The following TENM2 variants were observed in gnomAD, a reference collection of about 807,000 sequenced individuals.
TENM2 encodes the protein teneurin-2.
A neutral mutation model predicts 245.2 loss-of-function variants in TENM2; 52 were observed. The ratio of observed to expected loss-of-function variants is 0.21; its 90% CI spans 0.17 to 0.27. TENM2 has a LOEUF of 0.27. TENM2 is among the 10% of genes least tolerant of loss of function. The pLI, the probability that TENM2 is intolerant of heterozygous loss-of-function variation, is 1.00. For missense variants in TENM2, 3,046 were observed against 3,666.8 expected, an observed-to-expected ratio of 0.83 and a Z score of 4.37; for synonymous variants, 1,363 against 1,438.9, an observed-to-expected ratio of 0.95 and a Z score of 1.19.
At chr5:167,785,244 G>A (rs1159588809) in intron 2 of TENM2, among the ~76,000 whole-genome samples, 1 of 152,150 alleles carries the variant, frequency 6.6e-6, no homozygotes, top group African/African-American at 2.4e-5. Flanking sequence ...GTGATTTAAT[G>A]TGGTCACTGT....
chr5:167,951,511 G>C (rs1780097865), intron 3 of TENM2, among the ~76,000 whole-genome samples: 1 of 152,140 alleles, frequency 6.6e-6, no homozygotes, highest in Non-Finnish European at 1.5e-5. Context: ...TCGGTTGCTA[G>C]GAAAACCTTG....
chr5:167,021,458 A>G, the TENM2 span, among the ~76,000 whole-genome samples: 4 of 152,244 alleles, frequency 2.6e-5, no homozygotes, highest in Non-Finnish European at 5.9e-5. Context: ...TTCACAGAAC[A>G]ACTCATAAAG....
chr5:168,103,322 C>T (rs1581312080), intron 9 of TENM2, among the ~76,000 whole-genome samples: 2 of 152,132 alleles, frequency 1.3e-5, no homozygotes, highest in Admixed American at 1.3e-4. Context: ...TTTAAATTTC[C>T]GTAACTCAAA....
intron 1 of TENM2, among the ~76,000 whole-genome samples, chr5:167,289,003 A>G (rs1310529627): frequency 6.6e-6 from 1 of 152,188 alleles, no homozygotes; most frequent in East Asian, 1.9e-4. Flanking sequence ...GATTGAACAT[A>G]TAATGTTCAC....
intron 3 of TENM2, among the ~76,000 whole-genome samples, chr5:167,878,581 G>A (rs1241026441): frequency 6.8e-6 from 1 of 146,320 alleles, no homozygotes; most frequent in Non-Finnish European, 1.5e-5. Flanking sequence ...GTCTGTGTGT[G>A]TGTGTGTGTG....
At chr5:167,976,990 A>G (rs1782489489) in intron 4 of TENM2, among the ~76,000 whole-genome samples, 1 of 152,216 alleles carries the variant, frequency 6.6e-6, no homozygotes, top group African/African-American at 2.4e-5. Flanking sequence ...ATGCAGCCAT[A>G]AAAAATGAGA....
chr5:167,130,011 A>G, the TENM2 span, among the ~76,000 whole-genome samples: 1 of 152,162 alleles, frequency 6.6e-6, no homozygotes, highest in Admixed American at 6.5e-5. Flanking sequence ...GCCAAGAATT[A>G]GTTGAAATAT....
intron 1 of TENM2, among the ~76,000 whole-genome samples, chr5:167,331,041 G>A (rs1236821034): frequency 6.6e-6 from 1 of 151,984 alleles, no homozygotes; most frequent in Non-Finnish European, 1.5e-5. Flanking sequence ...TTCAAGACCA[G>A]CCTGACCAAC....
chr5:167,239,789 T>C, the TENM2 span, among the ~76,000 whole-genome samples: 1 of 152,260 alleles, frequency 6.6e-6, no homozygotes, highest in African/African-American at 2.4e-5. Context: ...TTATTTATTT[T>C]GAGATGGAGT....
chr5:167,057,133 T>G, the TENM2 span, among the ~76,000 whole-genome samples: 1 of 152,142 alleles, frequency 6.6e-6, no homozygotes, highest in Non-Finnish European at 1.5e-5. Context: ...CAGTTAATAG[T>G]ATTCTTTATT....
intron 2 of TENM2, among the ~76,000 whole-genome samples, chr5:167,794,267 A>G (rs1765173252): frequency 6.6e-6 from 1 of 152,030 alleles, no homozygotes; most frequent in Non-Finnish European, 1.5e-5. Flanking sequence ...AAAAATAAAC[A>G]TTTACTTTGG....
At chr5:167,228,854 G>A in the TENM2 span, among the ~76,000 whole-genome samples, 6 of 151,982 alleles carry the variant, frequency 3.9e-5, no homozygotes, top group African/African-American at 7.3e-5. Flanking sequence ...ACAGGTACCC[G>A]CCACCACGCC....
At chr5:168,004,517 GCACACACACACACACACA>G (rs550787443) in intron 5 of TENM2, among the ~76,000 whole-genome samples, 2 of 132,152 alleles carry the variant, frequency 1.5e-5, no homozygotes, top group Non-Finnish European at 3.2e-5. Context: ...GCGCGCGCGC[GCACACACACACACACACA>G]CACACACACA....
intron 2 of TENM2, among the ~76,000 whole-genome samples, chr5:167,749,925 G>A (rs1217474710): frequency 6.6e-6 from 1 of 152,094 alleles, no homozygotes. Context: ...ATCTGGAACT[G>A]GCTCAATCTC....
intron 5 of TENM2, among the ~76,000 whole-genome samples, chr5:168,022,723 A>G (rs1786263622): frequency 2.6e-5 from 4 of 152,258 alleles, no homozygotes; most frequent in Admixed American, 2.0e-4. Context: ...ATACAAAAGC[A>G]TGTATAGTGT....
At chr5:167,227,852 C>A in the TENM2 span, among the ~76,000 whole-genome samples, 27 of 152,158 alleles carry the variant, frequency 1.8e-4, no homozygotes, top group Middle Eastern at 3.4e-3. Context: ...GTTTTCCAAC[C>A]CTTTCATTCT....
chr5:167,557,355 A>G (rs937804251), intron 2 of TENM2, among the ~76,000 whole-genome samples: 1 of 152,238 alleles, frequency 6.6e-6, no homozygotes, highest in Non-Finnish European at 1.5e-5. Flanking sequence ...AAAAAAGCTA[A>G]GAGCATGAGC....
intron 2 of TENM2, among the ~76,000 whole-genome samples, chr5:167,452,967 A>AT (rs1350640109): frequency 2.1e-5 from 2 of 93,036 alleles, no homozygotes; most frequent in African/African-American, 3.6e-5. Context: ...ATATATTTAA[A>AT]AAAAAAAACA....
chr5:167,765,372 T>C (rs1357393389), intron 2 of TENM2, among the ~76,000 whole-genome samples: 2 of 152,146 alleles, frequency 1.3e-5, no homozygotes, highest in Admixed American at 6.6e-5. Context: ...TTGTCTTCTT[T>C]CATCTATCCA....
Sources: gnomAD v4.1 joint callset for allele counts (sites outside exome capture counted in the v4.1 genomes callset) on GRCh38, gnomAD v4.1.1 for gene constraint, MANE v1.5 for transcripts, NCBI Gene and HGNC (gene_info 2026-07-23, HGNC 2026-07-21) for gene names.